Variants in SOX5 observed in about 807,000 individuals in gnomAD.
SOX5 encodes transcription factor SOX-5.
SOX5 carries 9 observed loss-of-function variants against 92.0 expected under a neutral mutation model. That is an observed-to-expected ratio of 0.10 (90% confidence interval 0.06 to 0.17). The LOEUF (loss-of-function observed/expected upper bound fraction) is 0.17, where lower values mean the gene tolerates loss of function less well. SOX5 is among the 10% of genes least tolerant of loss of function. The probability of loss-of-function intolerance (pLI) is 1.00; values close to 1 mark genes in which losing one functional copy is unlikely to be tolerated. For synonymous variants in SOX5, 344 were observed against 336.3 expected (o/e 1.02, Z -0.25); for missense variants, 642 against 944.5 (o/e 0.68, Z 4.20).
intron 4 of SOX5, among the ~76,000 whole-genome samples, chr12:23,995,761 G>T (rs1950975884): frequency 6.6e-6 from 1 of 152,096 alleles, no homozygotes; most frequent in African/African-American, 2.4e-5. Context: ...CACTAACAAG[G>T]ATAGTGATAA....
At chr12:24,001,739 A>G (rs747101210) in intron 4 of SOX5, among the ~76,000 whole-genome samples, 2 of 152,194 alleles carry the variant, frequency 1.3e-5, no homozygotes, top group Non-Finnish European at 2.9e-5. Context: ...TGTGAAGTAA[A>G]TAAAGGAATT....
At chr12:23,702,418 T>A (rs552480294) in intron 6 of SOX5, among the ~76,000 whole-genome samples, 14 of 152,142 alleles carry the variant, frequency 9.2e-5, no homozygotes, top group Admixed American at 2.6e-4. Flanking sequence ...TTTAACTGAG[T>A]GGTAGTAGTT....
chr12:23,858,067 GTA>G (rs1279391327), intron 2 of SOX5, among the ~76,000 whole-genome samples: 4 of 91,606 alleles, frequency 4.4e-5, no homozygotes, highest in Admixed American at 1.1e-4. Context: ...TAATATGCCT[GTA>G]TGTGTGTGTG....
chr12:24,401,119 T>A (rs934029860), intron 1 of SOX5, among the ~76,000 whole-genome samples: 1 of 152,066 alleles, frequency 6.6e-6, no homozygotes, highest in African/African-American at 2.4e-5. Context: ...TTTGGGAGGC[T>A]GAGGCGGGCA....
intron 1 of SOX5, among the ~76,000 whole-genome samples, chr12:24,379,376 G>A (rs1177183848): frequency 4.6e-5 from 7 of 152,262 alleles, no homozygotes; most frequent in South Asian, 2.1e-4. Context: ...GGCTGGTTAC[G>A]TATTTCAATC....
intron 6 of SOX5, among the ~76,000 whole-genome samples, chr12:23,680,751 G>A (rs2086491038): frequency 6.6e-6 from 1 of 152,024 alleles, no homozygotes; most frequent in African/African-American, 2.4e-5. Context: ...AACCTTAAAA[G>A]CAGTCAGCTA....
At chr12:24,012,465 T>G (rs1180426413) in intron 4 of SOX5, among the ~76,000 whole-genome samples, 1 of 152,154 alleles carries the variant, frequency 6.6e-6, no homozygotes, top group African/African-American at 2.4e-5. Flanking sequence ...AATGATGGAT[T>G]TGAATTTTTT....
intron 2 of SOX5, among the ~76,000 whole-genome samples, chr12:23,873,943 A>G (rs1274104122): frequency 6.6e-6 from 1 of 152,172 alleles, no homozygotes; most frequent in African/African-American, 2.4e-5. Flanking sequence ...GGACTTTACT[A>G]TTGAGTTACA....
chr12:24,503,837 AG>A (rs1190468490), intron 1 of SOX5, among the ~76,000 whole-genome samples: 2 of 152,084 alleles, frequency 1.3e-5, no homozygotes, highest in African/African-American at 4.8e-5. Flanking sequence ...GTTGGTGGGT[AG>A]GGGAGGGATA....
At chr12:23,655,934 ACAG>A (rs2082250279) in intron 7 of SOX5, among the ~76,000 whole-genome samples, 5 of 152,150 alleles carry the variant, frequency 3.3e-5, no homozygotes, top group African/African-American at 1.2e-4. Flanking sequence ...TAGTTTCACA[ACAG>A]GAGTATATAT....
intron 11 of SOX5, among the ~76,000 whole-genome samples, chr12:23,560,054 C>T (rs1230717660): frequency 2.0e-5 from 3 of 152,034 alleles, no homozygotes; most frequent in African/African-American, 4.8e-5. Context: ...GGATTACAGG[C>T]GTGCACCACC....
intron 9 of SOX5, among the ~76,000 whole-genome samples, chr12:23,593,127 GT>G (rs2137177654): frequency 6.6e-6 from 1 of 152,010 alleles, no homozygotes; most frequent in South Asian, 2.1e-4. Flanking sequence ...AAAAAAAATA[GT>G]TTTTCTAAAT....
intron 1 of SOX5, among the ~76,000 whole-genome samples, chr12:24,417,786 TGGTGGTGCTAGAG>T (rs1965269782): frequency 1.3e-5 from 2 of 152,054 alleles, no homozygotes; most frequent in Admixed American, 6.5e-5. Context: ...AACATGGTGG[TGGTGGTGCTAGAG>T]CCAGGACACT....
chr12:23,847,869 C>G (rs901165260), intron 2 of SOX5, among the ~76,000 whole-genome samples: 2 of 151,986 alleles, frequency 1.3e-5, no homozygotes, highest in Non-Finnish European at 2.9e-5. Flanking sequence ...AACTCCCGCA[C>G]GTTAAGTGAA....
intron 4 of SOX5, among the ~76,000 whole-genome samples, chr12:24,111,059 T>C (rs1947290039): frequency 6.6e-6 from 1 of 152,180 alleles, no homozygotes; most frequent in Admixed American, 6.5e-5. Flanking sequence ...ATATGCATTG[T>C]AGGGGGTATA....
chr12:24,144,751 C>T (rs977492014), intron 4 of SOX5, among the ~76,000 whole-genome samples: 4 of 152,032 alleles, frequency 2.6e-5, no homozygotes, highest in African/African-American at 9.7e-5. Context: ...ATTGCTCGGG[C>T]CCAGGAGTTC....
At chr12:23,785,423 G>T (rs1165796026) in intron 3 of SOX5, among the ~76,000 whole-genome samples, 2 of 152,092 alleles carry the variant, frequency 1.3e-5, no homozygotes, top group Admixed American at 1.3e-4. Context: ...GTGGGGAAAA[G>T]AAACAAGCGG....
intron 1 of SOX5, among the ~76,000 whole-genome samples, chr12:24,486,420 C>G (rs1009569823): frequency 6.6e-6 from 1 of 152,224 alleles, no homozygotes; most frequent in African/African-American, 2.4e-5. Context: ...CAACTCCAAT[C>G]TGAAGCAGTT....
chr12:24,213,867 G>T (rs191798400), intron 3 of SOX5, among the ~76,000 whole-genome samples: 218 of 152,152 alleles, frequency 1.4e-3, no homozygotes, highest in Admixed American at 3.5e-3. Flanking sequence ...TCACACAAGT[G>T]TGTGTGTATA....
Sources: allele counts gnomAD v4.1 joint callset (sites outside exome capture counted in the v4.1 genomes callset), GRCh38; gene constraint gnomAD v4.1.1; transcripts MANE v1.5; gene names NCBI Gene and HGNC (gene_info 2026-07-23, HGNC 2026-07-21).